The following MAGOHB variants were observed in gnomAD, a reference collection of about 807,000 sequenced individuals.
The protein encoded by MAGOHB is protein mago nashi homolog 2.
MAGOHB carries 15 observed loss-of-function variants against 20.9 expected under a neutral mutation model. The ratio of observed to expected loss-of-function variants is 0.72; its 90% CI spans 0.48 to 1.11. The LOEUF (loss-of-function observed/expected upper bound fraction) is 1.11, where lower values mean the gene tolerates loss of function less well. Ranked by LOEUF, MAGOHB falls within the 50% of genes least tolerant of loss-of-function variation. The probability of loss-of-function intolerance (pLI) is 0.00; values close to 1 mark genes in which losing one functional copy is unlikely to be tolerated. For synonymous variants in MAGOHB, 50 were observed against 57.9 expected, an observed-to-expected ratio of 0.86 and a Z score of 0.62; for missense variants, 162 against 177.6, an observed-to-expected ratio of 0.91 and a Z score of 0.50.
chr12:10,609,750 C>T, intron 3 of MAGOHB, 81 bp downstream of exon 3: 1 of 860,952 alleles, frequency 1.2e-6, no homozygotes, highest in Non-Finnish European at 1.8e-6. Context: ...AACTTAGACT[C>T]ATTCCAAATA....
At chr12:10,609,327 TAC>T (rs1865682678) in intron 3 of MAGOHB, 2 of 416,824 alleles carry the variant, frequency 4.8e-6, no homozygotes, top group African/African-American at 2.1e-5. Flanking sequence ...ACTTTCTTTT[TAC>T]AGAGTGAAAT....
downstream of MAGOHB, among the ~76,000 whole-genome samples, chr12:10,600,448 A>G (rs916121451): frequency 4.6e-5 from 7 of 151,940 alleles, no homozygotes; most frequent in African/African-American, 1.2e-4. Flanking sequence ...GTCAAAGGGT[A>G]TATGTATTTA....
At chr12:10,610,810 A>AGCAATGATCTTACACAAGG in intron 1 of MAGOHB, 130 bp from the exon 2 acceptor site, 1 of 860,326 alleles carries the variant, frequency 1.2e-6, no homozygotes, top group Non-Finnish European at 1.6e-6. Flanking sequence ...CTCCTTGTGT[A>AGCAATGATCTTACACAAGG]AGATCATTGC....
At chr12:10,603,548 CA>C (rs144204675), downstream of MAGOHB, among the ~76,000 whole-genome samples, 42,713 of 140,550 alleles carry the variant, frequency 0.3, 5,977 homozygotes, top group South Asian at 0.34. Flanking sequence ...GACATAATGG[CA>C]AAAAAAAAAA....
Position 10,606,250 on chromosome 12 carries a change from T to C in MAGOHB, c.*25A>G, listed in dbSNP as rs758609629. On this transcript the variant is annotated 3_prime_UTR_variant, in exon 5 of 5. Transcript: ENST00000320756. ...ACCCCTCCCATCCCTTAATTAAATATACAAACAGCCTGAAAACATACAATT... is the reference window on the plus strand; with the variant it reads ...ACCCCTCCCATCCCTTAATTAAATACACAAACAGCCTGAAAACATACAATT... The C allele has an allele frequency of 2.4e-6, 3 of 1,264,308 alleles. No individual in the cohort carries two copies. Among genetic ancestry groups the C allele is most frequent in the South Asian group, 1.4e-5 (1 of 69,222 alleles). The allele number at this position is 1,264,308 out of a possible 1,614,324, so 78.3% of individuals were successfully genotyped here. A position where few individuals can be genotyped will look rare whatever the true frequency, so the allele number is the denominator to read the frequency against.
chr12:10,608,228 G>A (rs1445294847), intron 3 of MAGOHB: 1 of 221,662 alleles, frequency 4.5e-6, no homozygotes, highest in Non-Finnish European at 8.7e-6. Context: ...TACAATGTCA[G>A]TAAAAACTAA....
At chr12:10,610,020 C>A in intron 2 of MAGOHB, 79 bp from the exon 3 acceptor site, 1 of 721,800 alleles carries the variant, frequency 1.4e-6, no homozygotes, top group Non-Finnish European at 2.2e-6. Context: ...GTTACAAACC[C>A]TGAATATCCA....
chr12:10,602,616 C>G (rs138493598), downstream of MAGOHB, among the ~76,000 whole-genome samples: 2 of 152,222 alleles, frequency 1.3e-5, no homozygotes, highest in Admixed American at 1.3e-4. Flanking sequence ...TTTGAATGTT[C>G]TGGTACTTTG....
chr12:10,612,901 C>T (rs116702057), intron 1 of MAGOHB: 63,945 of 1,288,894 alleles, frequency 0.05, 1,893 homozygotes, highest in Non-Finnish European at 0.056. Flanking sequence ...TCAAGAGTGC[C>T]GTCCTCTAAG....
chr12:10,603,419 A>C (rs1387419315), downstream of MAGOHB, among the ~76,000 whole-genome samples: 1 of 152,024 alleles, frequency 6.6e-6, no homozygotes, highest in East Asian at 1.9e-4. Context: ...AAATGCTCTA[A>C]GTTTAACATA....
At chr12:10,609,603 A>C (rs1865686786) in intron 3 of MAGOHB, 6 of 529,188 alleles carry the variant, frequency 1.1e-5, no homozygotes, top group Admixed American at 3.3e-5. Context: ...GGCTGGGGTG[A>C]CTACAGAGAA....
chr12:10,606,655 T>C (rs1865635132), intron 4 of MAGOHB, among the ~76,000 whole-genome samples: 1 of 152,114 alleles, frequency 6.6e-6, no homozygotes, highest in South Asian at 2.1e-4. Context: ...AAAAAAATAA[T>C]ACTGTAATGC....
downstream of MAGOHB, among the ~76,000 whole-genome samples, chr12:10,599,918 G>A (rs1220072531): frequency 6.6e-6 from 1 of 151,838 alleles, no homozygotes; most frequent in Non-Finnish European, 1.5e-5. Flanking sequence ...AGAAACTGCT[G>A]GTAAAAGACA....
At chr12:10,600,584 T>C (rs918819338), downstream of MAGOHB, among the ~76,000 whole-genome samples, 5 of 152,208 alleles carry the variant, frequency 3.3e-5, no homozygotes, top group Admixed American at 3.3e-4. Context: ...ATTATTTCTC[T>C]ACTTGAGTTT....
Position 10,607,734 on chromosome 12 carries a change from C to G in MAGOHB, c.347+120G>C, listed in dbSNP as rs987011236. 1.6e-5 allele frequency: 10 copies of G among 632,556 alleles called. No individual in the cohort carries two copies. In the African/African-American group the frequency reaches 1.7e-4, roughly 11 times the overall value. 39.2% of individuals were successfully genotyped at this position (632,556 alleles called of 1,614,324 possible). A position where few individuals can be genotyped will look rare whatever the true frequency, so the allele number is the denominator to read the frequency against. On this transcript the variant is annotated intron_variant, in intron 4 of 4. Transcript: ENST00000320756. ...TTTAATGACATAAAAATCAGGATTA[C>G]ATCTGCATAATAAACTGATAGGATG... is the stretch of plus-strand genomic sequence containing the variant.
At chr12:10,612,834 G>A (rs1479849777) in intron 1 of MAGOHB, 1 of 1,288,938 alleles carries the variant, frequency 7.8e-7, no homozygotes, top group Non-Finnish European at 1.0e-6. Context: ...TGCTCATACT[G>A]CTCTGGAAGT....
At chr12:10,613,045 C>T (rs1446217008) in intron 1 of MAGOHB, 3 of 890,714 alleles carry the variant, frequency 3.4e-6, no homozygotes, top group African/African-American at 1.7e-5. Flanking sequence ...ACACGTTGGG[C>T]TCCTCCCCTT....
intron 3 of MAGOHB, 27 bp from the exon 4 acceptor site, chr12:10,607,963 T>C (rs1425321444): frequency 7.3e-7 from 1 of 1,369,258 alleles, no homozygotes; most frequent in Non-Finnish European, 1.0e-6. Context: ...AAAAATGTAG[T>C]TAATATAAAA....
chr12:10,610,816 A>G, intron 1 of MAGOHB, 136 bp from the exon 2 acceptor site: 2 of 738,386 alleles, frequency 2.7e-6, no homozygotes, highest in Non-Finnish European at 3.9e-6. Context: ...GTGTAAGATC[A>G]TTGCTAGACA....
Sources: gnomAD v4.1 joint callset for allele counts (sites outside exome capture counted in the v4.1 genomes callset) on GRCh38, gnomAD v4.1.1 for gene constraint, MANE v1.5 for transcripts, NCBI Gene and HGNC (gene_info 2026-07-23, HGNC 2026-07-21) for gene names.